Variants in RDH12 observed in about 807,000 individuals in gnomAD.
The protein encoded by RDH12 is retinol dehydrogenase 12.
In RDH12, 21 loss-of-function variants were observed where a neutral mutation model predicts 34.0. The observed-to-expected ratio is 0.62, with a 90% CI of 0.44 to 0.89. The LOEUF is 0.89. Among genes scored for constraint, RDH12 ranks in the 40% least tolerant of loss-of-function variants. RDH12 has a pLI of 0.00. For synonymous variants in RDH12, 198 were observed against 169.9 expected (o/e 1.17, Z -1.29); for missense variants, 394 against 398.6 (o/e 0.99, Z 0.10).
intron 2 of RDH12, 22 bp from the exon 3 acceptor site, chr14:67,722,402 G>T (rs1594864072): frequency 1.7e-6 from 1 of 592,382 alleles, no homozygotes; most frequent in Non-Finnish European, 3.0e-6. Flanking sequence ...TTCAAACCTT[G>T]ACTCCATCCC....
intron 1 of RDH12, among the ~76,000 whole-genome samples, chr14:67,704,138 T>C (rs890023101): frequency 1.3e-5 from 2 of 152,166 alleles, no homozygotes; most frequent in African/African-American, 4.8e-5. Context: ...TTTCCCCCTT[T>C]TGAGGGAAGG....
Position 67,729,306 on chromosome 14 carries a change from A to G in RDH12, c.774A>G (p.Ala258=), listed in dbSNP as rs960170021. ...TCTTCTCCCCCTTTGTCAAGACGGCACGGGAGGGGGCGCAGACCAGCCTGC... is the reference window on the plus strand; with the variant it reads ...TCTTCTCCCCCTTTGTCAAGACGGCGCGGGAGGGGGCGCAGACCAGCCTGC... ...WRLFSPFVKT[A]REGAQTSLHC... is the part of the protein sequence containing the mutation. The change falls in exon 8 of 9, where the codon GCA becomes GCG. Residue 258 remains alanine (A), a synonymous_variant. Transcript: ENST00000551171. The G allele has an allele frequency of 1.2e-6, 2 of 1,601,854 alleles. No homozygotes were observed. The highest frequency in any genetic ancestry group is 1.7e-6 in the Non-Finnish European group (2 of 1,179,902).
intron 1 of RDH12, among the ~76,000 whole-genome samples, chr14:67,703,305 G>T (rs1328919799): frequency 6.6e-6 from 1 of 152,202 alleles, no homozygotes; most frequent in Admixed American, 6.5e-5. Context: ...GGGTAAGGTA[G>T]TTCGATGGCA....
chr14:67,720,871 ACT>A lies in RDH12; in HGVS notation c.-246_-245del, dbSNP rs1361339691. 2 of 152,106 alleles carry A rather than the reference ACT, an allele frequency of 1.3e-5. No homozygotes were observed. The highest frequency in any genetic ancestry group is 4.8e-5 in the African/African-American group (2 of 41,412). The allele number at this position is 152,106 out of a possible 1,614,324, so 9.4% of individuals were successfully genotyped here. On this transcript the variant is annotated 5_prime_UTR_variant, in exon 2 of 9. The change creates a premature stop within an existing upstream ORF in the 5' untranslated region. Coordinates refer to ENST00000551171, the MANE Select transcript of RDH12 (RefSeq NM_152443.3). ...AGAGGACTGTATGCTGTTCTTAAGG[ACT>A]CTCTGCTTCCTGGACAAGCTCAAGC... is the stretch of plus-strand genomic sequence containing the variant.
At chr14:67,714,695 G>T (rs545186368) in intron 1 of RDH12, 1 of 153,290 alleles carries the variant, frequency 6.5e-6, no homozygotes, top group Non-Finnish European at 1.5e-5. Context: ...GTTCAAAAAT[G>T]CCCCACACAT....
chr14:67,715,892 A>G (rs2320029), intron 1 of RDH12, among the ~76,000 whole-genome samples: 20,399 of 152,184 alleles, frequency 0.13, 1,411 homozygotes, highest in East Asian at 0.21. Context: ...CCCTGAGCTG[A>G]TGAGATAAGA....
chr14:67,706,637 T>C (rs1056364383), intron 1 of RDH12, among the ~76,000 whole-genome samples: 1 of 152,228 alleles, frequency 6.6e-6, no homozygotes, highest in Non-Finnish European at 1.5e-5. Flanking sequence ...TACGCATTTA[T>C]CTTAGTGAGC....
At chr14:67,717,011 CTTCT>C (rs1318459233) in intron 1 of RDH12, among the ~76,000 whole-genome samples, 4 of 152,058 alleles carry the variant, frequency 2.6e-5, no homozygotes, top group East Asian at 1.9e-4. Flanking sequence ...GTTTTACTTC[CTTCT>C]ATCAATCTAC....
chr14:67,721,653 A>G (rs1281396644), intron 2 of RDH12, among the ~76,000 whole-genome samples: 1 of 152,020 alleles, frequency 6.6e-6, no homozygotes, highest in African/African-American at 2.4e-5. Flanking sequence ...ACAGCTAACC[A>G]TAACAGCTGA....
intron 1 of RDH12, among the ~76,000 whole-genome samples, chr14:67,711,442 A>T (rs1412236534): frequency 6.6e-6 from 1 of 152,208 alleles, no homozygotes; most frequent in Admixed American, 6.5e-5. Flanking sequence ...TAAATATTTT[A>T]CTTAAGTTAC....
intron 3 of RDH12, among the ~76,000 whole-genome samples, chr14:67,723,482 A>T (rs2038148781): frequency 6.6e-6 from 1 of 152,120 alleles, no homozygotes; most frequent in Non-Finnish European, 1.5e-5. Flanking sequence ...CGACCATCCC[A>T]CGTTGGCCTC....
Position 67,726,594 on chromosome 14 carries a change from A to AG in RDH12, c.449-384dup, listed in dbSNP as rs1757252400. ...GTTCAGCGTTCAAGGCAAAGACTTT[A>AG]GGGAGGAGAGCATGGAGCATGTTTT... On this transcript the variant is annotated intron_variant, in intron 6 of 8. Coordinates refer to ENST00000551171, the MANE Select transcript of RDH12 (RefSeq NM_152443.3). Among the ~76,000 whole-genome samples the AG allele has an allele frequency of 1.3e-5, 2 of 152,164 alleles. 1 individual carries two copies. The highest frequency in any genetic ancestry group is 4.1e-4 in the South Asian group (2 of 4,822).
intron 2 of RDH12, 66 bp from the exon 3 acceptor site, chr14:67,722,358 C>G: frequency 1.9e-6 from 1 of 530,726 alleles, no homozygotes; most frequent in Non-Finnish European, 3.4e-6. Flanking sequence ...CTTTAGTTTC[C>G]CCACATTCTC....
rs368489658 is a variant in RDH12, at chr14:67,725,137, G to C, written c.226G>C (p.Gly76Arg). Residue 76 changes from glycine (G) to arginine (R), a missense_variant, in exon 5 of 9, where the codon GGG (glycine) becomes CGG (arginine). Gly to Arg is a moderately radical substitution (Grantham distance 125, BLOSUM62 -2). Coordinates refer to ENST00000551171, the MANE Select transcript of RDH12 (RefSeq NM_152443.3). ...VYIACRDVLKGESAASEIRVD... is the reference protein window; with the variant it reads ...VYIACRDVLKRESAASEIRVD... The stretch of plus-strand genomic sequence containing the variant: ...TATTGCCTGCAGAGATGTACTGAAG[G>C]GGGAGTCTGCTGCCAGTGAAATCCG... 1.2e-6 allele frequency: 2 copies of C among 1,614,030 alleles called. No individual in the cohort carries two copies. Among genetic ancestry groups the C allele is most frequent in the Admixed American group, 1.7e-5 (1 of 59,994 alleles).
At chr14:67,702,419 T>G (rs1019863831) in intron 1 of RDH12, among the ~76,000 whole-genome samples, 1 of 152,198 alleles carries the variant, frequency 6.6e-6, no homozygotes, top group Non-Finnish European at 1.5e-5. Flanking sequence ...CCAACAATAT[T>G]AAATTAGTCT....
chr14:67,729,432 C>CG, intron 8 of RDH12, 52 bp downstream of exon 8: 1 of 1,545,330 alleles, frequency 6.5e-7, no homozygotes, highest in Non-Finnish European at 8.8e-7. Flanking sequence ...TGGGAGGTGC[C>CG]GGACTCGCTG....
chr14:67,705,672 A>G (rs1292547032), intron 1 of RDH12, among the ~76,000 whole-genome samples: 1 of 152,214 alleles, frequency 6.6e-6, no homozygotes, highest in Non-Finnish European at 1.5e-5. Flanking sequence ...TCATTGTTCT[A>G]AGGTTATTTA....
intron 7 of RDH12, chr14:67,727,467 A>G (rs2038202089): frequency 8.1e-6 from 3 of 371,146 alleles, no homozygotes; most frequent in Non-Finnish European, 1.5e-5. Context: ...CAACAGACAG[A>G]GGCTTTTTGT....
chr14:67,702,741 A>T (rs2037912497), intron 1 of RDH12, among the ~76,000 whole-genome samples: 1 of 152,238 alleles, frequency 6.6e-6, no homozygotes, highest in Non-Finnish European at 1.5e-5. Context: ...ACAACATATA[A>T]CATATTACAT....
Sources: gnomAD v4.1 joint callset for allele counts (sites outside exome capture counted in the v4.1 genomes callset) on GRCh38, gnomAD v4.1.1 for gene constraint, MANE v1.5 for transcripts, NCBI Gene and HGNC (gene_info 2026-07-23, HGNC 2026-07-21) for gene names.